MTMR2: variants seen among roughly 807,000 people sequenced by gnomAD.
MTMR2 encodes the protein myotubularin related protein 2, also known as phosphatidylinositol-3,5-bisphosphate 3-phosphatase MTMR2.
Under a neutral mutation model 86.9 loss-of-function variants are expected in MTMR2, and 55 were observed. The ratio of observed to expected loss-of-function variants is 0.63; its 90% CI spans 0.51 to 0.79. The LOEUF is 0.79. MTMR2 is among the 30% of genes least tolerant of loss of function. The probability of loss-of-function intolerance (pLI) is 0.00; values close to 1 mark genes in which losing one functional copy is unlikely to be tolerated. For synonymous variants in MTMR2, 241 were observed against 266.8 expected, an observed-to-expected ratio of 0.90 and a Z score of 0.94; for missense variants, 659 against 772.3, an observed-to-expected ratio of 0.85 and a Z score of 1.74.
At chr11:95,879,648 G>A (rs1433602516) in intron 2 of MTMR2, among the ~76,000 whole-genome samples, 1 of 152,020 alleles carries the variant, frequency 6.6e-6, no homozygotes, top group Non-Finnish European at 1.5e-5. Context: ...ACAAATGGGA[G>A]CTTATTATTC....
intron 3 of MTMR2, 33 bp from the exon 4 acceptor site, chr11:95,862,399 CATTA>C (rs1565359418): frequency 6.8e-7 from 1 of 1,481,384 alleles, no homozygotes; most frequent in African/African-American, 1.4e-5. Context: ...GTTTACTATA[CATTA>C]TGTGCTATTA....
At chr11:95,909,541 G>A (rs1042881195) in intron 1 of MTMR2, among the ~76,000 whole-genome samples, 2 of 152,060 alleles carry the variant, frequency 1.3e-5, no homozygotes, top group East Asian at 1.9e-4. Context: ...TAGCTTCCTC[G>A]GAAGGATGGA....
intron 2 of MTMR2, among the ~76,000 whole-genome samples, chr11:95,880,789 C>G (rs1865294627): frequency 6.6e-6 from 1 of 151,972 alleles, no homozygotes; most frequent in Non-Finnish European, 1.5e-5. Context: ...TGCATTTTCT[C>G]TTATTAATTT....
chr11:95,869,096 CACT>C (rs1864751256), intron 2 of MTMR2, among the ~76,000 whole-genome samples: 1 of 152,024 alleles, frequency 6.6e-6, no homozygotes, highest in Non-Finnish European at 1.5e-5. Flanking sequence ...ACTCCACATT[CACT>C]ACCACCATAC....
chr11:95,866,249 A>T (rs948704290), intron 2 of MTMR2, among the ~76,000 whole-genome samples: 4 of 152,214 alleles, frequency 2.6e-5, no homozygotes, highest in Non-Finnish European at 5.9e-5. Flanking sequence ...CTTTTGAAGG[A>T]TGCTACACTA....
At chr11:95,868,935 C>T (rs1350243746) in intron 2 of MTMR2, among the ~76,000 whole-genome samples, 16 of 149,206 alleles carry the variant, frequency 1.1e-4, no homozygotes, top group Admixed American at 5.3e-4. Context: ...AAATACAACC[C>T]AGAAATACTT....
At chr11:95,853,481 T>C (rs1864098252) in intron 7 of MTMR2, among the ~76,000 whole-genome samples, 1 of 152,196 alleles carries the variant, frequency 6.6e-6, no homozygotes. Context: ...CCTATTGCTT[T>C]TCATATAAAA....
chr11:95,877,177 C>G (rs1285430208), intron 2 of MTMR2, among the ~76,000 whole-genome samples: 1 of 152,016 alleles, frequency 6.6e-6, no homozygotes, highest in African/African-American at 2.4e-5. Flanking sequence ...ATACTTTATT[C>G]TATTTTCTCT....
chr11:95,883,845 A>C (rs1865426168), intron 2 of MTMR2, among the ~76,000 whole-genome samples: 1 of 152,244 alleles, frequency 6.6e-6, no homozygotes, highest in South Asian at 2.1e-4. Context: ...CCTTTCAGGA[A>C]AGTGCCATTT....
chr11:95,915,341 C>A (rs938664750), intron 1 of MTMR2, among the ~76,000 whole-genome samples: 1 of 152,046 alleles, frequency 6.6e-6, no homozygotes, highest in Non-Finnish European at 1.5e-5. Flanking sequence ...AGCAATTCTG[C>A]CGAGAAGAGA....
At chr11:95,836,986 A>G (rs532556745) in intron 13 of MTMR2, among the ~76,000 whole-genome samples, 9 of 152,156 alleles carry the variant, frequency 5.9e-5, no homozygotes, top group African/African-American at 2.2e-4. Context: ...ATTTCATGGT[A>G]TGCATATTAT....
At position 95,893,188 on chromosome 11, in the gene MTMR2, A is replaced by G. The variant is rs375617295; in HGVS notation, c.81-4927T>C. Among the ~76,000 whole-genome samples, 3 of 152,158 alleles carry G rather than the reference A, an allele frequency of 2.0e-5. No homozygotes were observed. The South Asian group carries it at 6.2e-4, about 32-fold the overall frequency. On this transcript the variant is annotated intron_variant, in intron 1 of 14. Transcript: ENST00000346299. ...TCATTATGGGAATTTTATTATCCAT[A>G]AAGATAAACTGTCAACAACCTAGCT...
chr11:95,870,267 A>T (rs886791293), intron 2 of MTMR2, among the ~76,000 whole-genome samples: 4 of 152,152 alleles, frequency 2.6e-5, no homozygotes, highest in Non-Finnish European at 5.9e-5. Context: ...GTCCTTTGTA[A>T]ACTTTATTTT....
intron 1 of MTMR2, among the ~76,000 whole-genome samples, chr11:95,888,973 A>ATCC (rs1371873005): frequency 1.3e-5 from 2 of 152,204 alleles, no homozygotes; most frequent in African/African-American, 4.8e-5. Context: ...AAATAGTTGA[A>ATCC]TAAGGGTGAA....
At chr11:95,891,289 A>T (rs1303110764) in intron 1 of MTMR2, among the ~76,000 whole-genome samples, 2 of 152,140 alleles carry the variant, frequency 1.3e-5, no homozygotes, top group Non-Finnish European at 2.9e-5. Context: ...CCTCTCTACT[A>T]AAAATACAAA....
At chr11:95,869,771 G>C (rs1299141388) in intron 2 of MTMR2, among the ~76,000 whole-genome samples, 1 of 152,176 alleles carries the variant, frequency 6.6e-6, no homozygotes, top group Admixed American at 6.5e-5. Flanking sequence ...GGGTATCCTA[G>C]TGAAGGGTTT....
At chr11:95,906,568 C>T (rs1212884801) in intron 1 of MTMR2, among the ~76,000 whole-genome samples, 2 of 152,138 alleles carry the variant, frequency 1.3e-5, no homozygotes, top group African/African-American at 4.8e-5. Flanking sequence ...CTACAGAACT[C>T]TCCACCCAAA....
chr11:95,922,532 TTTCCTGGA>T (rs1461069502), intron 1 of MTMR2, among the ~76,000 whole-genome samples: 1 of 152,092 alleles, frequency 6.6e-6, no homozygotes, highest in Non-Finnish European at 1.5e-5. Flanking sequence ...AAAATCCTCC[TTTCCTGGA>T]TAATTCAGGC....
chr11:95,834,416 G>GA lies in MTMR2; in HGVS notation c.*873dup, dbSNP rs1276770842. The GA allele has an allele frequency of 6.6e-6, 1 of 152,002 alleles. No homozygotes were observed. The highest frequency in any genetic ancestry group is 1.5e-5 in the Non-Finnish European group (1 of 67,944). The allele number at this position is 152,002 out of a possible 1,614,324, so 9.4% of individuals were successfully genotyped here. On this transcript the variant is annotated 3_prime_UTR_variant, in exon 15 of 15. Coordinates refer to ENST00000346299, the MANE Select transcript of MTMR2 (RefSeq NM_016156.6). The stretch of plus-strand genomic sequence containing the variant: ...CTATAAGCTATTTATACAGAATTCA[G>GA]AAAAAATGTCAATCCTAGTAAGATT...
Sources: gnomAD v4.1 joint callset for allele counts (sites outside exome capture counted in the v4.1 genomes callset) on GRCh38, gnomAD v4.1.1 for gene constraint, MANE v1.5 for transcripts, NCBI Gene and HGNC (gene_info 2026-07-23, HGNC 2026-07-21) for gene names.